Variants in PICALM observed in about 807,000 individuals in gnomAD.
PICALM encodes phosphatidylinositol binding clathrin assembly protein, also known as phosphatidylinositol-binding clathrin assembly protein.
A neutral mutation model predicts 80.5 loss-of-function variants in PICALM; 40 were observed. That is an observed-to-expected ratio of 0.50 (90% CI 0.39 to 0.65). The LOEUF (loss-of-function observed/expected upper bound fraction) is 0.65. PICALM is among the 30% of genes least tolerant of loss of function. The probability of loss-of-function intolerance (pLI) is 0.00; values close to 1 mark genes in which losing one functional copy is unlikely to be tolerated. For synonymous variants in PICALM, 288 were observed against 260.3 expected (o/e 1.11, Z -1.02); for missense variants, 676 against 778.9 (o/e 0.87, Z 1.57).
intron 13 of PICALM, among the ~76,000 whole-genome samples, chr11:85,984,596 ACTCT>A (rs929701066): frequency 1.3e-5 from 2 of 152,032 alleles, no homozygotes; most frequent in Admixed American, 1.3e-4. Context: ...ACTCTCAACC[ACTCT>A]CTAACTTCAA....
intron 1 of PICALM, among the ~76,000 whole-genome samples, chr11:86,053,364 T>C (rs767501452): frequency 6.6e-6 from 1 of 152,254 alleles, no homozygotes; most frequent in African/African-American, 2.4e-5. Flanking sequence ...TCAGACTATG[T>C]CTGGATGTCA....
At chr11:86,003,492 C>T (rs747339163) in intron 8 of PICALM, 41 bp from the exon 9 acceptor site, 1 of 1,279,928 alleles carries the variant, frequency 7.8e-7, no homozygotes, top group South Asian at 1.4e-5. Flanking sequence ...GATAATTAGG[C>T]CACTGGTCAA....
intron 13 of PICALM, among the ~76,000 whole-genome samples, chr11:85,988,722 G>A (rs2094663540): frequency 6.6e-6 from 1 of 151,984 alleles, no homozygotes; most frequent in Admixed American, 6.6e-5. Context: ...TGAGTGGGAT[G>A]GGTAATCAAG....
intron 1 of PICALM, among the ~76,000 whole-genome samples, chr11:86,060,055 A>C (rs2096334319): frequency 6.6e-6 from 1 of 152,194 alleles, no homozygotes; most frequent in Non-Finnish European, 1.5e-5. Context: ...AGGGATTATG[A>C]TACCACATCT....
intron 1 of PICALM, among the ~76,000 whole-genome samples, chr11:86,067,629 G>C (rs1008915981): frequency 1.3e-5 from 2 of 152,104 alleles, no homozygotes; most frequent in African/African-American, 4.8e-5. Flanking sequence ...CCAAACTCAA[G>C]CATCATCAAA....
intron 2 of PICALM, among the ~76,000 whole-genome samples, chr11:86,027,747 T>C (rs2095672350): frequency 6.6e-6 from 1 of 152,050 alleles, no homozygotes; most frequent in Non-Finnish European, 1.5e-5. Flanking sequence ...TCTGGAACTC[T>C]TGGGCTCAAG....
chr11:85,968,314 AAAC>A (rs1024994597), intron 19 of PICALM, among the ~76,000 whole-genome samples: 2 of 152,170 alleles, frequency 1.3e-5, no homozygotes, highest in African/African-American at 4.8e-5. Flanking sequence ...AAACAAACAA[AAAC>A]AACAAAAAAG....
intron 1 of PICALM, among the ~76,000 whole-genome samples, chr11:86,054,381 G>A (rs2096238833): frequency 1.3e-5 from 2 of 152,198 alleles, no homozygotes; most frequent in South Asian, 4.1e-4. Context: ...GCTCTAAAAT[G>A]AAGACGGAGG....
chr11:86,017,456 C>G (rs1357502043), intron 4 of PICALM, among the ~76,000 whole-genome samples: 1 of 152,152 alleles, frequency 6.6e-6, no homozygotes. Context: ...AGGAAAAATA[C>G]TCATAACCTA....
chr11:85,970,271 G>A (rs1434514736), intron 19 of PICALM, among the ~76,000 whole-genome samples: 1 of 152,220 alleles, frequency 6.6e-6, no homozygotes, highest in Non-Finnish European at 1.5e-5. Context: ...TCATAAGGAT[G>A]TGAAAGGGAC....
chr11:86,066,768 A>C (rs566166), intron 1 of PICALM, among the ~76,000 whole-genome samples: 30 of 152,160 alleles, frequency 2.0e-4, no homozygotes, highest in African/African-American at 4.8e-4. Flanking sequence ...ACAAAAAAAA[A>C]CCAAAAGCAA....
intron 5 of PICALM, among the ~76,000 whole-genome samples, chr11:86,013,472 G>C (rs2095431985): frequency 6.6e-6 from 1 of 151,842 alleles, no homozygotes; most frequent in African/African-American, 2.4e-5. Context: ...TATTGAAATA[G>C]GTTTACAAAT....
chr11:86,031,857 A>G (rs1418176277), intron 1 of PICALM, among the ~76,000 whole-genome samples: 4 of 152,212 alleles, frequency 2.6e-5, no homozygotes, highest in Non-Finnish European at 4.4e-5. Flanking sequence ...CCCTCAGGGT[A>G]TAATTCTCTC....
chr11:85,998,637 G>T (rs1285607883), intron 11 of PICALM, among the ~76,000 whole-genome samples: 1 of 152,024 alleles, frequency 6.6e-6, no homozygotes, highest in Non-Finnish European at 1.5e-5. Flanking sequence ...AAATAGTTGG[G>T]CATTGCGGAG....
chr11:86,002,938 G>A (rs2095183719), intron 9 of PICALM, among the ~76,000 whole-genome samples: 1 of 152,142 alleles, frequency 6.6e-6, no homozygotes, highest in African/African-American at 2.4e-5. Context: ...TTGAACCCAG[G>A]AGGTGGAAGT....
intron 19 of PICALM, among the ~76,000 whole-genome samples, chr11:85,963,593 C>T (rs528435709): frequency 9.2e-5 from 14 of 152,214 alleles, no homozygotes; most frequent in South Asian, 2.1e-4. Context: ...AGAAGAGCAG[C>T]GTATAAATAT....
chr11:86,012,233 C>A (rs755274633), intron 6 of PICALM, 48 bp downstream of exon 6: 68 of 995,810 alleles, frequency 6.8e-5, no homozygotes, highest in South Asian at 2.3e-4. Context: ...TATTGTTTAT[C>A]CATATGACAC....
chr11:85,996,295 T>C (rs1344487755), intron 12 of PICALM, among the ~76,000 whole-genome samples: 1 of 152,162 alleles, frequency 6.6e-6, no homozygotes, highest in Non-Finnish European at 1.5e-5. Context: ...GAAAATTCTT[T>C]GACTAGCAAA....
At chr11:86,028,821 T>C (rs1424676705) in intron 2 of PICALM, among the ~76,000 whole-genome samples, 3 of 147,044 alleles carry the variant, frequency 2.0e-5, no homozygotes, top group Non-Finnish European at 4.5e-5. Flanking sequence ...GCTCTGTGCA[T>C]TACTGTTTTT....
Sources: gnomAD v4.1 joint callset for allele counts (sites outside exome capture counted in the v4.1 genomes callset) on GRCh38, gnomAD v4.1.1 for gene constraint, MANE v1.5 for transcripts, NCBI Gene and HGNC (gene_info 2026-07-23, HGNC 2026-07-21) for gene names.